EPB41L2: variants seen among roughly 807,000 people sequenced by gnomAD.
The protein encoded by EPB41L2 is erythrocyte membrane protein band 4.1 like 2.
A neutral mutation model predicts 113.0 loss-of-function variants in EPB41L2; 43 were observed. The ratio of observed to expected loss-of-function variants is 0.38; its 90% CI spans 0.30 to 0.49. EPB41L2 has a LOEUF of 0.49. EPB41L2 is among the 20% of genes least tolerant of loss of function. EPB41L2 has a pLI of 0.95. For synonymous variants in EPB41L2, 442 were observed against 436.7 expected, an observed-to-expected ratio of 1.01 and a Z score of -0.15; for missense variants, 1,147 against 1,223.4, an observed-to-expected ratio of 0.94 and a Z score of 0.93.
intron 3 of EPB41L2, among the ~76,000 whole-genome samples, chr6:130,943,843 G>C (rs3777462): frequency 6.6e-6 from 1 of 151,782 alleles, no homozygotes; most frequent in Non-Finnish European, 1.5e-5. Context: ...CCCAGCCTAC[G>C]CCCAGCCAGC....
intron 19 of EPB41L2, among the ~76,000 whole-genome samples, chr6:130,855,530 A>C (rs1779949812): frequency 6.6e-6 from 1 of 152,192 alleles, no homozygotes; most frequent in South Asian, 2.1e-4. Flanking sequence ...AGAATCTCAG[A>C]TATGAAGAGT....
chr6:130,889,421 C>A (rs570724083), intron 11 of EPB41L2, among the ~76,000 whole-genome samples: 1 of 151,860 alleles, frequency 6.6e-6, no homozygotes, highest in Non-Finnish European at 1.5e-5. Flanking sequence ...TTATATAAAA[C>A]TACAAAATGT....
At chr6:130,905,458 G>A (rs180972665) in intron 5 of EPB41L2, among the ~76,000 whole-genome samples, 12 of 148,360 alleles carry the variant, frequency 8.1e-5, no homozygotes, top group Admixed American at 4.1e-4. Flanking sequence ...TCACTCTGTC[G>A]CCCAGGTTGC....
intron 1 of EPB41L2, among the ~76,000 whole-genome samples, chr6:130,979,112 A>T (rs970802541): frequency 6.6e-6 from 1 of 152,208 alleles, no homozygotes; most frequent in Non-Finnish European, 1.5e-5. Context: ...TCTATTCTGC[A>T]GGCAATAAGA....
intron 1 of EPB41L2, among the ~76,000 whole-genome samples, chr6:130,973,169 CTCT>C (rs1394549172): frequency 2.6e-5 from 4 of 152,000 alleles, no homozygotes; most frequent in Admixed American, 1.3e-4. Flanking sequence ...GTCTTCACTT[CTCT>C]TCTTCACTTT....
At position 130,894,337 on chromosome 6, in the gene EPB41L2, A is replaced by G. The variant is rs761079168; in HGVS notation, c.1487+7T>C. 1 of 1,612,748 alleles carries G rather than the reference A, an allele frequency of 6.2e-7. No homozygotes were observed. Among genetic ancestry groups the G allele is most frequent in the Non-Finnish European group, 8.5e-7 (1 of 1,178,990 alleles). On this transcript the variant is annotated splice_region_variant and intron_variant, in intron 10 of 19. Coordinates refer to ENST00000337057, the MANE Select transcript of EPB41L2 (RefSeq NM_001431.4). Reference sequence around the variant, plus strand: ...GCCCGGCTTCCGAGCTGTTTTCCTAAAATTACCTGTAGAAAGTATGATGCT... The same window carrying G: ...GCCCGGCTTCCGAGCTGTTTTCCTAGAATTACCTGTAGAAAGTATGATGCT...
In EPB41L2 at chr6:130,865,519, C is replaced by T; in HGVS notation, c.2829+17G>A. 1 of 1,610,614 alleles carries T rather than the reference C, an allele frequency of 6.2e-7. No individual in the cohort carries two copies. The highest frequency in any genetic ancestry group is 8.5e-7 in the Non-Finnish European group (1 of 1,176,960). ...TAATGTACCATCCTCTCCATATGATCCCCTGCATTGCTTTACCTTGGTGAT... is the reference window on the plus strand; with the variant it reads ...TAATGTACCATCCTCTCCATATGATTCCCTGCATTGCTTTACCTTGGTGAT... On this transcript the variant is annotated intron_variant, in intron 17 of 19. Transcript: ENST00000337057.
chr6:130,941,195 T>G (rs1810751286), intron 3 of EPB41L2, among the ~76,000 whole-genome samples: 1 of 152,180 alleles, frequency 6.6e-6, no homozygotes, highest in South Asian at 2.1e-4. Context: ...TCTTAAAAAT[T>G]ATATACCATC....
chr6:131,041,202 C>A (rs1794398404), intron 1 of EPB41L2, among the ~76,000 whole-genome samples: 1 of 152,038 alleles, frequency 6.6e-6, no homozygotes, highest in Non-Finnish European at 1.5e-5. Flanking sequence ...AAACGGGAAA[C>A]TGTCCATGTT....
chr6:130,998,378 T>C (rs1783627419), intron 1 of EPB41L2, among the ~76,000 whole-genome samples: 1 of 152,058 alleles, frequency 6.6e-6, no homozygotes, highest in Non-Finnish European at 1.5e-5. Flanking sequence ...ATTGGGGGTG[T>C]AGGGGAAATT....
chr6:131,029,956 C>G (rs1409438277), intron 1 of EPB41L2, among the ~76,000 whole-genome samples: 1 of 150,068 alleles, frequency 6.7e-6, no homozygotes, highest in Non-Finnish European at 1.5e-5. Flanking sequence ...TTGTGGCTTT[C>G]CACACATGTA....
intron 10 of EPB41L2, among the ~76,000 whole-genome samples, chr6:130,893,277 CA>C (rs1793552421): frequency 6.6e-6 from 1 of 151,944 alleles, no homozygotes; most frequent in African/African-American, 2.4e-5. Context: ...TTAAGAGGCA[CA>C]AAATGAGGGA....
chr6:130,913,847 A>G (rs1800149817), intron 4 of EPB41L2, among the ~76,000 whole-genome samples: 1 of 152,202 alleles, frequency 6.6e-6, no homozygotes. Flanking sequence ...TTTGACACTT[A>G]AGGAGGAGGG....
At chr6:130,883,317 G>A (rs116577167) in intron 12 of EPB41L2, 22 of 152,478 alleles carry the variant, frequency 1.4e-4, no homozygotes, top group African/African-American at 5.3e-4. Flanking sequence ...TATTAACACA[G>A]TGTAGTTAGA....
chr6:131,031,561 T>C (rs1475920902), intron 1 of EPB41L2, among the ~76,000 whole-genome samples: 1 of 152,196 alleles, frequency 6.6e-6, no homozygotes, highest in African/African-American at 2.4e-5. Flanking sequence ...AGTTCAAAAC[T>C]TCCTAATTTC....
intron 1 of EPB41L2, among the ~76,000 whole-genome samples, chr6:130,973,301 G>A (rs1452230358): frequency 1.3e-4 from 19 of 151,038 alleles, no homozygotes. Context: ...ATTCTACATA[G>A]TGGAAGTAAA....
chr6:130,898,206 G>A (rs1174227558), intron 8 of EPB41L2, among the ~76,000 whole-genome samples: 1 of 151,870 alleles, frequency 6.6e-6, no homozygotes, highest in African/African-American at 2.4e-5. Flanking sequence ...TTTCTATGAT[G>A]AACATGTATT....
At chr6:130,987,841 A>C (rs1273474180) in intron 1 of EPB41L2, among the ~76,000 whole-genome samples, 7 of 151,528 alleles carry the variant, frequency 4.6e-5, no homozygotes, top group Admixed American at 2.0e-4. Flanking sequence ...GGCTAGGTGC[A>C]GTGGCTCACA....
chr6:130,849,815 C>CT (rs1233533426), intron 19 of EPB41L2, among the ~76,000 whole-genome samples: 3 of 151,970 alleles, frequency 2.0e-5, no homozygotes, highest in South Asian at 2.1e-4. Context: ...ACTAGCAAAG[C>CT]TTTTTTTTAA....
Sources: allele counts gnomAD v4.1 joint callset (sites outside exome capture counted in the v4.1 genomes callset), GRCh38; gene constraint gnomAD v4.1.1; transcripts MANE v1.5; gene names NCBI Gene and HGNC (gene_info 2026-07-23, HGNC 2026-07-21).